The following ATXN1 variants were observed in gnomAD, a reference collection of about 807,000 sequenced individuals.
ATXN1 encodes the protein ataxin 1.
ATXN1 carries 8 observed loss-of-function variants against 56.4 expected under a neutral mutation model. The observed-to-expected ratio is 0.14, with a 90% CI of 0.08 to 0.26. The LOEUF (loss-of-function observed/expected upper bound fraction) is 0.26. ATXN1 is among the 10% of genes least tolerant of loss of function. The pLI is 1.00. For synonymous variants in ATXN1, 514 were observed against 494.6 expected (o/e 1.04, Z -0.52); for missense variants, 987 against 1,106.5 (o/e 0.89, Z 1.53).
intron 6 of ATXN1, among the ~76,000 whole-genome samples, chr6:16,424,482 T>C (rs934884938): frequency 1.3e-5 from 2 of 152,180 alleles, no homozygotes; most frequent in African/African-American, 2.4e-5. Flanking sequence ...TAGTATCTAG[T>C]TGATTTACAT....
intron 6 of ATXN1, among the ~76,000 whole-genome samples, chr6:16,443,453 A>C (rs1759564930): frequency 6.6e-6 from 1 of 152,154 alleles, no homozygotes; most frequent in Non-Finnish European, 1.5e-5. Flanking sequence ...AAGTAAGTGA[A>C]CTCAAATGTA....
intron 6 of ATXN1, among the ~76,000 whole-genome samples, chr6:16,358,442 T>G (rs1223562549): frequency 6.6e-6 from 1 of 152,226 alleles, no homozygotes; most frequent in Non-Finnish European, 1.5e-5. Flanking sequence ...AATTATTGTA[T>G]GTATATATCA....
intron 6 of ATXN1, among the ~76,000 whole-genome samples, chr6:16,388,703 G>A (rs748591752): frequency 6.6e-6 from 1 of 152,180 alleles, no homozygotes; most frequent in Non-Finnish European, 1.5e-5. Context: ...GCTAACCACA[G>A]CCCAGCTAGT....
intron 2 of ATXN1, among the ~76,000 whole-genome samples, chr6:16,702,120 C>T (rs1005085292): frequency 6.6e-6 from 1 of 152,108 alleles, no homozygotes; most frequent in Non-Finnish European, 1.5e-5. Flanking sequence ...CAGCATGGTA[C>T]TGGTACCAAA....
chr6:16,325,539 A>G (rs1346877637), intron 7 of ATXN1, among the ~76,000 whole-genome samples: 1 of 152,026 alleles, frequency 6.6e-6, no homozygotes, highest in Non-Finnish European at 1.5e-5. Context: ...CCTGCCTCCC[A>G]TGAAACCACA....
intron 6 of ATXN1, among the ~76,000 whole-genome samples, chr6:16,422,971 T>C (rs966546627): frequency 6.6e-6 from 1 of 152,230 alleles, no homozygotes; most frequent in Non-Finnish European, 1.5e-5. Flanking sequence ...AATAGAATTG[T>C]CATATCTGAT....
chr6:16,724,678 C>A (rs1759812145), intron 2 of ATXN1, among the ~76,000 whole-genome samples: 1 of 152,128 alleles, frequency 6.6e-6, no homozygotes, highest in Non-Finnish European at 1.5e-5. Flanking sequence ...TGCTAAAGAA[C>A]CTGAGGAATG....
intron 5 of ATXN1, among the ~76,000 whole-genome samples, chr6:16,489,205 T>A (rs1760609097): frequency 1.3e-5 from 2 of 152,246 alleles, no homozygotes; most frequent in South Asian, 4.2e-4. Flanking sequence ...TTTTGCAACC[T>A]CCTAACAGCA....
At chr6:16,377,674 G>A (rs559149262) in intron 6 of ATXN1, among the ~76,000 whole-genome samples, 1 of 152,290 alleles carries the variant, frequency 6.6e-6, no homozygotes, top group African/African-American at 2.4e-5. Flanking sequence ...ACGCCTGTGT[G>A]CACAGGAGCG....
In ATXN1 at chr6:16,306,348, C is replaced by T; in HGVS notation, c.2429G>A (p.Arg810Gln). 1.2e-6 allele frequency: 2 copies of T among 1,609,394 alleles called. No homozygotes were observed. The highest frequency in any genetic ancestry group is 1.7e-6 in the Non-Finnish European group (2 of 1,177,944). ...CTGCCTCTACTTGCCTACATTAGAC[C>T]GGCCTTCAATGCAAATCTTAACCTC... ...PQEVKICIEG[R>Q]SNVGK is the part of the protein sequence containing the mutation. Residue 810 changes from arginine to glutamine, a missense_variant, in exon 8 of 8, where the codon CGG becomes CAG. Physicochemically the swap from Arg to Gln is conservative, Grantham distance 43 (BLOSUM62 1). Coordinates refer to ENST00000436367, the MANE Select transcript of ATXN1 (RefSeq NM_001128164.2). The surrounding 1 kb of genome is among the most constrained non-coding windows in gnomAD (Gnocchi z 5.2).
intron 6 of ATXN1, among the ~76,000 whole-genome samples, chr6:16,405,293 A>C (rs1323840621): frequency 1.3e-5 from 2 of 152,252 alleles, no homozygotes; most frequent in Admixed American, 1.3e-4. Context: ...ATAAAAGCCA[A>C]GAGTCCTAGC....
At chr6:16,609,197 A>G (rs1046417009) in intron 3 of ATXN1, among the ~76,000 whole-genome samples, 1 of 152,228 alleles carries the variant, frequency 6.6e-6, no homozygotes, top group African/African-American at 2.4e-5. Flanking sequence ...TCTTCCTAAA[A>G]TGGACTGAAC....
chr6:16,675,958 A>G (rs1339649262), intron 2 of ATXN1, among the ~76,000 whole-genome samples: 1 of 152,172 alleles, frequency 6.6e-6, no homozygotes, highest in African/African-American at 2.4e-5. Context: ...AGAAGCGGAC[A>G]GGGTTATGGG....
At chr6:16,582,058 C>T (rs1446408224) in intron 4 of ATXN1, among the ~76,000 whole-genome samples, 1 of 152,244 alleles carries the variant, frequency 6.6e-6, no homozygotes, top group Non-Finnish European at 1.5e-5. Flanking sequence ...GTACGCTTCT[C>T]TCCTTACCTT....
chr6:16,300,332 G>A lies in ATXN1; in HGVS notation c.*5997C>T, dbSNP rs1231001577. The A allele has an allele frequency of 6.6e-6, 1 of 152,630 alleles. No individual in the cohort carries two copies. The highest frequency in any genetic ancestry group is 1.5e-5 in the Non-Finnish European group (1 of 68,034). 9.5% of individuals were successfully genotyped at this position (152,630 alleles called of 1,614,324 possible). ...GTTGAACCATTTGTATGCAAGTCAT[G>A]GGGACATGAAAAACTGAAGCCGGTG... On this transcript the variant is annotated 3_prime_UTR_variant, in exon 8 of 8. Transcript: ENST00000436367.
chr6:16,390,157 C>T (rs139853750), intron 6 of ATXN1, among the ~76,000 whole-genome samples: 185 of 152,300 alleles, frequency 1.2e-3, no homozygotes, highest in Non-Finnish European at 2.2e-3. Flanking sequence ...AGACTCAAGT[C>T]CACCCTACTG....
At chr6:16,523,143 C>G (rs1761325997) in intron 4 of ATXN1, among the ~76,000 whole-genome samples, 1 of 152,184 alleles carries the variant, frequency 6.6e-6, no homozygotes, top group Non-Finnish European at 1.5e-5. Flanking sequence ...CTCAAGCGCT[C>G]CTTCCACCTC....
intron 2 of ATXN1, among the ~76,000 whole-genome samples, chr6:16,695,293 A>G (rs1319795980): frequency 2.0e-5 from 3 of 152,224 alleles, no homozygotes. Flanking sequence ...TTCATGAGAA[A>G]CAAGGCGTAA....
At chr6:16,436,632 G>A (rs1048751126) in intron 6 of ATXN1, among the ~76,000 whole-genome samples, 8 of 152,002 alleles carry the variant, frequency 5.3e-5, no homozygotes, top group Admixed American at 5.2e-4. Flanking sequence ...AGGTCCTGGG[G>A]TGGGCTCCTG....
Sources: allele counts gnomAD v4.1 joint callset (sites outside exome capture counted in the v4.1 genomes callset), GRCh38; gene constraint gnomAD v4.1.1; non-coding constraint Gnocchi (gnomAD v3.1); transcripts MANE v1.5; gene names NCBI Gene and HGNC (gene_info 2026-07-23, HGNC 2026-07-21).